The following B4GALNT4 variants were observed in gnomAD, a reference collection of about 807,000 sequenced individuals.
B4GALNT4 encodes beta-1,4-N-acetyl-galactosaminyltransferase 4.
A neutral mutation model predicts 110.0 loss-of-function variants in B4GALNT4; 77 were observed. The observed-to-expected ratio is 0.70, with a 90% CI of 0.58 to 0.85. B4GALNT4 has a LOEUF of 0.85. Ranked by LOEUF, B4GALNT4 falls within the 40% of genes least tolerant of loss-of-function variation. The pLI is 0.00. For missense variants in B4GALNT4, 1,575 were observed against 1,506.0 expected, an observed-to-expected ratio of 1.05 and a Z score of -0.76; for synonymous variants, 785 against 655.5, an observed-to-expected ratio of 1.20 and a Z score of -3.02.
In B4GALNT4 at chr11:379,595, C is replaced by G. The variant is rs954399055; in HGVS notation, c.2382C>G (p.Pro794=). 1.3e-5 allele frequency: 20 copies of G among 1,573,360 alleles called. No homozygotes were observed. Among genetic ancestry groups the G allele is most frequent in the Non-Finnish European group, 1.6e-5 (19 of 1,161,772 alleles). ...TAGGGGATGCAGACGGAGAAAGTCC[C>G]GAACCCGCTCCCGCCGCCTCCGTGC... The part of the protein sequence containing the change: ...ARVGDADGES[P]EPAPAASVRP... The change falls in exon 15 of 20, where the codon CCC becomes CCG. Residue 794 remains proline (P), a synonymous_variant. Transcript: ENST00000329962.
At chr11:376,378 G>A (rs1178374043) in intron 13 of B4GALNT4, 27 bp downstream of exon 13, 3 of 1,603,078 alleles carry the variant, frequency 1.9e-6, no homozygotes, top group African/African-American at 1.3e-5. Context: ...CCCCTGGCCC[G>A]CACCCACCTG....
chr11:376,078 A>T lies in B4GALNT4; in HGVS notation c.1100A>T (p.Tyr367Phe). The T allele has an allele frequency of 6.5e-7, 1 of 1,547,024 alleles. No individual in the cohort carries two copies. The highest frequency in any genetic ancestry group is 2.3e-5 in the East Asian group (1 of 44,390). ...CTGCGCCCCCCCACCCCCCAGGTGT[A>T]CCTGTCCTTCGTTTATCCCAACGAC... ...IARYQGLQFV[Y>F]LSFVYPNDYT... is the part of the protein sequence containing the mutation. Residue 367 changes from tyrosine (Y) to phenylalanine (F), a missense_variant, in exon 12 of 20, where the codon TAC becomes TTC. Transcript: ENST00000329962.
chr11:369,981 CG>C, intron 1 of B4GALNT4, 27 bp downstream of exon 1: 4 of 45,076 alleles, frequency 8.9e-5, no homozygotes, highest in Non-Finnish European at 1.2e-4. Flanking sequence ...GCGGGGGGCG[CG>C]GGGGGCGGGG....
Position 375,769 on chromosome 11 carries a change from C to T in B4GALNT4, c.981C>T (p.Phe327=). 1 of 1,598,496 alleles carries T rather than the reference C, an allele frequency of 6.3e-7. No homozygotes were observed. Among genetic ancestry groups the T allele is most frequent in the Non-Finnish European group, 8.5e-7 (1 of 1,175,968 alleles). The stretch of plus-strand genomic sequence containing the variant: ...GGCCAGATCCCAGGGATACCTTTTT[C>T]CTCAGTGAGAGGGGGCCCGCGCGGG... The part of the protein sequence containing the change: ...MLRPDPRDTF[F]LTPRMESSSL... The change falls in exon 10 of 20, where the codon TTC becomes TTT. Residue 327 remains phenylalanine (F), a synonymous_variant. Transcript: ENST00000329962.
chr11:379,785 G>T lies in B4GALNT4; in HGVS notation c.2489-81G>T, dbSNP rs950009548. ...TGACTAGGAAAGGGTGTGGGTGTCC[G>T]GGATGAAGTTCTTCGGAGCTGGGAG... On this transcript the variant is annotated intron_variant, in intron 15 of 19. Coordinates refer to ENST00000329962, the MANE Select transcript of B4GALNT4 (RefSeq NM_178537.5). The T allele has an allele frequency of 1.1e-4, 174 of 1,514,212 alleles. 1 individual carries two copies. The highest frequency in any genetic ancestry group is 1.5e-4 in the Non-Finnish European group (167 of 1,132,968). 93.8% of individuals were successfully genotyped at this position (1,514,212 alleles called of 1,614,324 possible). A position where few individuals can be genotyped will look rare whatever the true frequency, so the allele number is the denominator to read the frequency against.
intron 8 of B4GALNT4, among the ~76,000 whole-genome samples, chr11:374,214 G>T (rs1339755713): frequency 1.3e-5 from 2 of 152,104 alleles, no homozygotes; most frequent in African/African-American, 2.4e-5. Flanking sequence ...GGACAGATAG[G>T]CCTTTGTCCT....
rs1325498418 is a variant in B4GALNT4 at position 375,476 on chromosome 11, C to G, written c.799C>G (p.Pro267Ala). The G allele has an allele frequency of 6.2e-7, 1 of 1,611,830 alleles. No homozygotes were observed. The highest frequency in any genetic ancestry group is 1.7e-5 in the Admixed American group (1 of 59,998). Residue 267 changes from proline to alanine, a missense_variant, in exon 9 of 20, where the codon CCC becomes GCC. Coordinates refer to ENST00000329962, the MANE Select transcript of B4GALNT4 (RefSeq NM_178537.5). ...TGCCCCGCAGTGGCGAGCTTTCCTG[C>G]CCGGCCTGAAGTTCGAGGTCATCAG... ...HVEVGWRAFL[P>A]GLKFEVISSA...
chr11:377,063 A>C lies in B4GALNT4; in HGVS notation c.1940A>C (p.Glu647Ala). The C allele has an allele frequency of 6.9e-7, 1 of 1,441,258 alleles. No homozygotes were observed. The highest frequency in any genetic ancestry group is 9.1e-7 in the Non-Finnish European group (1 of 1,097,422). 89.3% of individuals were successfully genotyped at this position (1,441,258 alleles called of 1,614,324 possible). A position where few individuals can be genotyped will look rare whatever the true frequency, so the allele number is the denominator to read the frequency against. ...CTGCCCGGGGAGGGCGAAGAGGAGG[A>C]GGAAGGGGAGGACGATGGGGCCCCG... is the stretch of plus-strand genomic sequence containing the variant. ...PQLPGEGEEE[E>A]EGEDDGAPGD... The change falls in exon 14 of 20, where the codon GAG (glutamate) becomes GCG (alanine). Residue 647 changes from glutamate to alanine, a missense_variant. Coordinates refer to ENST00000329962, the MANE Select transcript of B4GALNT4 (RefSeq NM_178537.5).
At position 377,066 on chromosome 11, in the gene B4GALNT4, A is replaced by G; in HGVS notation, c.1943A>G (p.Glu648Gly). 6.9e-7 allele frequency: 1 copy of G among 1,442,876 alleles called. No individual in the cohort carries two copies. The highest frequency in any genetic ancestry group is 9.1e-7 in the Non-Finnish European group (1 of 1,098,128). The allele number at this position is 1,442,876 out of a possible 1,614,324, so 89.4% of individuals were successfully genotyped here. ...CCCGGGGAGGGCGAAGAGGAGGAGGAAGGGGAGGACGATGGGGCCCCGGGC... is the reference window on the plus strand; with the variant it reads ...CCCGGGGAGGGCGAAGAGGAGGAGGGAGGGGAGGACGATGGGGCCCCGGGC... Reference protein sequence around the residue: ...QLPGEGEEEEEGEDDGAPGDE... With the variant: ...QLPGEGEEEEGGEDDGAPGDE... Residue 648 changes from glutamate (E) to glycine (G), a missense_variant, in exon 14 of 20, where the codon GAA (glutamate) becomes GGA (glycine). Glu to Gly is a moderately conservative substitution (Grantham distance 98, BLOSUM62 -2). Coordinates refer to ENST00000329962, the MANE Select transcript of B4GALNT4 (RefSeq NM_178537.5).
rs1223865610 is a variant in B4GALNT4, at chr11:373,008, CA to C, written c.445-17del. ...GGCACGCAGGGGGCTTCGACAGCAACAGTCACTGCCCCCCCAGACGCGCACC... is the reference window on the plus strand; with the variant it reads ...GGCACGCAGGGGGCTTCGACAGCAACGTCACTGCCCCCCCAGACGCGCACC... On this transcript the variant is annotated splice_polypyrimidine_tract_variant and intron_variant, in intron 4 of 19. Transcript: ENST00000329962. 6.2e-7 allele frequency: 1 copy of C among 1,612,578 alleles called. No homozygotes were observed.
In B4GALNT4 at chr11:372,646, C is replaced by T. The variant is rs766455442; in HGVS notation, c.256-16C>T. 10 of 1,608,766 alleles carry T rather than the reference C, an allele frequency of 6.2e-6. No individual in the cohort carries two copies. Among genetic ancestry groups the T allele is most frequent in the Non-Finnish European group, 6.8e-6 (8 of 1,178,142 alleles). ...GCCCTTCCAACCCTGACCCTGTTGCCTTTTCTCTCCTGCAGCCCGAAGGTC... is the reference window on the plus strand; with the variant it reads ...GCCCTTCCAACCCTGACCCTGTTGCTTTTTCTCTCCTGCAGCCCGAAGGTC... On this transcript the variant is annotated splice_polypyrimidine_tract_variant and intron_variant, in intron 2 of 19. Transcript: ENST00000329962.
chr11:375,398 A>G, intron 8 of B4GALNT4, 63 bp from the exon 9 acceptor site: 3 of 1,558,058 alleles, frequency 1.9e-6, no homozygotes, highest in Non-Finnish European at 1.8e-6. Flanking sequence ...GCCAGGGTAG[A>G]CCCTTTCTTC....
At position 376,441 on chromosome 11, in the gene B4GALNT4, G is replaced by A. The variant is rs1443634444; in HGVS notation, c.1318G>A (p.Glu440Lys). ...NPDDFLDDEDEGELLDSLEPT... is the reference protein window; with the variant it reads ...NPDDFLDDEDKGELLDSLEPT... ...CGCAGACTTCCTGGACGACGAGGAC[G>A]AGGGGGAGCTGCTCGACAGCCTGGA... The change falls in exon 14 of 20, where the codon GAG becomes AAG. Residue 440 changes from glutamate (E) to lysine (K), a missense_variant. Glu to Lys is a moderately conservative substitution (Grantham distance 56, BLOSUM62 1). Transcript: ENST00000329962. 2.5e-6 allele frequency: 4 copies of A among 1,596,810 alleles called. No homozygotes were observed. The highest frequency in any genetic ancestry group is 1.3e-5 in the African/African-American group (1 of 74,916).
chr11:375,972 GAC>G lies in B4GALNT4; in HGVS notation c.1095+17_1095+18del. 6.2e-7 allele frequency: 1 copy of G among 1,609,752 alleles called. No homozygotes were observed. The highest frequency in any genetic ancestry group is 8.5e-7 in the Non-Finnish European group (1 of 1,178,518). ...CCTGCAATTTGTGAGTGCGGCTGGA[GAC>G]CCCGTCTCCCGTCCGGGACTCCGCG... On this transcript the variant is annotated intron_variant, in intron 11 of 19. Coordinates refer to ENST00000329962, the MANE Select transcript of B4GALNT4 (RefSeq NM_178537.5).
chr11:369,996 G>GGGGCGT (rs1846582772), intron 1 of B4GALNT4, 42 bp downstream of exon 1: 1 of 140,788 alleles, frequency 7.1e-6, no homozygotes, highest in African/African-American at 3.4e-5. Context: ...GGCGGGGGCG[G>GGGGCGT]CGCGGGGGGC....
In B4GALNT4 at chr11:372,163, C is replaced by G. The variant is rs1247472311; in HGVS notation, c.206C>G (p.Ser69Cys). The G allele has an allele frequency of 6.5e-7, 1 of 1,550,070 alleles. No homozygotes were observed. ...GGCCGGGGGGTCCACGCTGCGCCAT[C>G]CACACAGAGGGCTGAGGACTCCAGT... is the stretch of plus-strand genomic sequence containing the variant. ...TDGRGVHAAPSTQRAEDSSES... is the reference protein window; with the variant it reads ...TDGRGVHAAPCTQRAEDSSES... The change falls in exon 2 of 20, where the codon TCC becomes TGC. Residue 69 changes from serine (S) to cysteine (C), a missense_variant. Transcript: ENST00000329962.
Position 380,344 on chromosome 11 carries a change from A to C in B4GALNT4, c.2768A>C (p.Asn923Thr). 6.2e-7 allele frequency: 1 copy of C among 1,613,166 alleles called. No homozygotes were observed. Among genetic ancestry groups the C allele is most frequent in the African/African-American group, 1.3e-5 (1 of 74,962 alleles). ...LCDLHIHFPPNILDGIRKHCV... is the reference protein window; with the variant it reads ...LCDLHIHFPPTILDGIRKHCV... ...GACCTGCACATCCACTTCCCACCCA[A>C]CATCCTGGACGGCATCCGCAAGCAC... Residue 923 changes from asparagine (N) to threonine (T), a missense_variant, in exon 18 of 20, where the codon AAC (asparagine) becomes ACC (threonine). Physicochemically the swap from Asn to Thr is moderately conservative, Grantham distance 65. Coordinates refer to ENST00000329962, the MANE Select transcript of B4GALNT4 (RefSeq NM_178537.5).
Position 369,700 on chromosome 11 carries a change from G to A in B4GALNT4, c.-104G>A, listed in dbSNP as rs1846574278. The A allele has an allele frequency of 7.3e-6, 4 of 550,112 alleles. No individual in the cohort carries two copies. Among genetic ancestry groups the A allele is most frequent in the Non-Finnish European group, 6.9e-6 (3 of 436,010 alleles). 34.1% of individuals were successfully genotyped at this position (550,112 alleles called of 1,614,324 possible). A position where few individuals can be genotyped will look rare whatever the true frequency, so the allele number is the denominator to read the frequency against. ...CAAAGGACCATGCGGGGCCGCGGGC[G>A]CTGAGCGCGGCGGGGCGGGCCGGGG... On this transcript the variant is annotated 5_prime_UTR_variant, in exon 1 of 20. Transcript: ENST00000329962.
rs1338378544 is a variant in B4GALNT4 at position 373,505 on chromosome 11, C to G, written c.693C>G (p.Ser231=). The stretch of plus-strand genomic sequence containing the variant: ...TCACCAAGTTCAGCTCCCAGGTGTC[C>G]AAGCCCAGGCGGTGAGTGACTGTGG... The part of the protein sequence containing the change: ...GEFTKFSSQV[S]KPRRLMASRR... Residue 231 remains serine (S), a synonymous_variant, in exon 7 of 20, where the codon TCC becomes TCG. Transcript: ENST00000329962. 2 of 1,611,418 alleles carry G rather than the reference C, an allele frequency of 1.2e-6. No homozygotes were observed. The highest frequency in any genetic ancestry group is 1.7e-5 in the Admixed American group (1 of 59,936).
Sources: gnomAD v4.1 joint callset for allele counts (sites outside exome capture counted in the v4.1 genomes callset) on GRCh38, gnomAD v4.1.1 for gene constraint, MANE v1.5 for transcripts, NCBI Gene and HGNC (gene_info 2026-07-23, HGNC 2026-07-21) for gene names.